Variants in TATDN2 observed in about 807,000 individuals in gnomAD.
The protein encoded by TATDN2 is TatD DNase domain containing 2.
TATDN2 carries 44 observed loss-of-function variants against 60.3 expected under a neutral mutation model. That is an observed-to-expected ratio of 0.73 (90% CI 0.57 to 0.94). The LOEUF is 0.94. TATDN2 is among the 40% of genes least tolerant of loss of function. The pLI, the probability that TATDN2 is intolerant of heterozygous loss-of-function variation, is 0.00. For missense variants in TATDN2, 997 were observed against 948.0 expected (o/e 1.05, Z -0.68); for synonymous variants, 399 against 355.8 (o/e 1.12, Z -1.37).
intron 5 of TATDN2, among the ~76,000 whole-genome samples, 194 bp downstream of exon 5, chr3:10,276,682 G>A (rs1370216828): frequency 6.6e-6 from 1 of 151,522 alleles, no homozygotes; most frequent in African/African-American, 2.4e-5. Context: ...TCTGCCTCCC[G>A]GGTTCAAACA....
chr3:10,265,070 A>ATTTTTTTTTT (rs35741857), intron 3 of TATDN2, among the ~76,000 whole-genome samples: 1 of 87,460 alleles, frequency 1.1e-5, no homozygotes, highest in Non-Finnish European at 2.2e-5. Context: ...ATTGCTGCCA[A>ATTTTTTTTTT]TTTTTTTTTC....
At chr3:10,255,132 C>T (rs770570085) in intron 2 of TATDN2, among the ~76,000 whole-genome samples, 1 of 151,420 alleles carries the variant, frequency 6.6e-6, no homozygotes, top group Non-Finnish European at 1.5e-5. Flanking sequence ...GCCTCAGCCT[C>T]CCAAGTAGCT....
intron 4 of TATDN2, among the ~76,000 whole-genome samples, chr3:10,272,538 A>C (rs1421659376): frequency 1.3e-5 from 2 of 151,844 alleles, no homozygotes; most frequent in Admixed American, 6.6e-5. Context: ...TCCCAGGTTC[A>C]AGCGATTCTC....
At chr3:10,256,378 G>A (rs1698308630) in intron 2 of TATDN2, among the ~76,000 whole-genome samples, 1 of 151,742 alleles carries the variant, frequency 6.6e-6, no homozygotes, top group South Asian at 2.1e-4. Context: ...GTCTTGCTAT[G>A]TTGCCCAGAC....
intron 2 of TATDN2, among the ~76,000 whole-genome samples, chr3:10,255,610 TA>T (rs55870200): frequency 0.29 from 43,806 of 151,962 alleles, 8,239 homozygotes; most frequent in East Asian, 0.97. Context: ...GCTAGGTCCT[TA>T]ACAGTATTTA....
chr3:10,253,147 G>A (rs561716388), intron 2 of TATDN2, among the ~76,000 whole-genome samples: 13 of 151,360 alleles, frequency 8.6e-5, no homozygotes, highest in Admixed American at 6.6e-4. Context: ...GTGAACCACC[G>A]CGCCTGGCCT....
intron 2 of TATDN2, among the ~76,000 whole-genome samples, chr3:10,257,026 G>A (rs1361609089): frequency 6.6e-6 from 1 of 151,856 alleles, no homozygotes; most frequent in Non-Finnish European, 1.5e-5. Context: ...CAGGCACGGT[G>A]GCTCATGCCT....
At chr3:10,272,492 G>GCAAT (rs1453076617) in intron 4 of TATDN2, among the ~76,000 whole-genome samples, 2 of 150,190 alleles carry the variant, frequency 1.3e-5, no homozygotes, top group African/African-American at 4.9e-5. Flanking sequence ...AGGCTGGAGT[G>GCAAT]CAATCGCATG....
chr3:10,264,137 A>T (rs1166906332), intron 3 of TATDN2, among the ~76,000 whole-genome samples: 2 of 152,174 alleles, frequency 1.3e-5, no homozygotes, highest in African/African-American at 4.8e-5. Flanking sequence ...TTCTCTGAGT[A>T]TGAGGAGGGA....
chr3:10,249,244 C>T lies in TATDN2; in HGVS notation c.44C>T (p.Thr15Met), dbSNP rs1425026217. 6.4e-7 allele frequency: 1 copy of T among 1,558,690 alleles called. No homozygotes were observed. Among genetic ancestry groups the T allele is most frequent in the Non-Finnish European group, 8.7e-7 (1 of 1,150,672 alleles). The change falls in exon 2 of 8, where the codon ACG (threonine) becomes ATG (methionine). Residue 15 changes from threonine (T) to methionine (M), a missense_variant. By Grantham distance (81) the Thr-to-Met change is moderately conservative. Transcript: ENST00000448281. ...RGKVKHNWSS[T>M]SEGCPRKRSC... The stretch of plus-strand genomic sequence containing the variant: ...AAGGTCAAGCACAACTGGAGCAGCA[C>T]GTCGGAAGGGTGTCCCCGCAAGCGC...
chr3:10,249,379 A>G lies in TATDN2; in HGVS notation c.179A>G (p.Glu60Gly). The G allele has an allele frequency of 6.2e-7, 1 of 1,613,318 alleles. No homozygotes were observed. Among genetic ancestry groups the G allele is most frequent in the South Asian group, 1.1e-5 (1 of 90,984 alleles). The change falls in exon 2 of 8, where the codon GAG becomes GGG. Residue 60 changes from glutamate to glycine, a missense_variant. Physicochemically the swap from Glu to Gly is moderately conservative, Grantham distance 98. Transcript: ENST00000448281. ...CCCAAGCGCCTGAAAGCCCAGAAGG[A>G]GGACGATGTGGCTTGCTCGCGGAGG... is the stretch of plus-strand genomic sequence containing the variant. Reference protein sequence around the residue: ...SSPKRLKAQKEDDVACSRRLS... With the variant: ...SSPKRLKAQKGDDVACSRRLS...
chr3:10,265,070 A>ATT lies in TATDN2; in HGVS notation c.948+4408_948+4409dup, dbSNP rs35741857. Among the ~76,000 whole-genome samples, 9 of 87,494 alleles carry ATT rather than the reference A, an allele frequency of 1.0e-4. No homozygotes were observed. The South Asian group carries it at 1.2e-3, about 11-fold the overall frequency. The allele number at this position is 87,494 out of a possible 152,430, so 57.4% of individuals were successfully genotyped here. On this transcript the variant is annotated intron_variant, in intron 3 of 7. Coordinates refer to ENST00000448281, the MANE Select transcript of TATDN2 (RefSeq NM_014760.4). ...TTTTTTTTTTTTTTTATTGCTGCCA[A>ATT]TTTTTTTTTCTTTTTTGTCTTTTTG... is the stretch of plus-strand genomic sequence containing the variant.
At chr3:10,265,019 C>CT (rs550799457) in intron 3 of TATDN2, among the ~76,000 whole-genome samples, 55,225 of 76,402 alleles carry the variant, frequency 0.72, 19,922 homozygotes, top group African/African-American at 0.75. Flanking sequence ...TTTTTTTGGT[C>CT]TTTTTTTTTT....
rs1353417905 is a variant in TATDN2, at chr3:10,278,148, G to A, written c.1962-131G>A. On this transcript the variant is annotated intron_variant, in intron 5 of 7. Transcript: ENST00000448281. The surrounding 1 kb of genome is among the most constrained non-coding windows in gnomAD (Gnocchi z 4.7). ...GAGCCAGCCCTTGTCTGTGTTTACT[G>A]TGGAGTCCTTCCCTAGGATGCAGTC... 4.7e-6 allele frequency: 5 copies of A among 1,074,122 alleles called. No individual in the cohort carries two copies. The South Asian group carries it at 7.6e-5, about 16-fold the overall frequency. 66.5% of individuals were successfully genotyped at this position (1,074,122 alleles called of 1,614,324 possible).
chr3:10,271,121 C>T lies in TATDN2; in HGVS notation c.1833+106C>T, dbSNP rs1698557060. On this transcript the variant is annotated intron_variant, in intron 4 of 7. Coordinates refer to ENST00000448281, the MANE Select transcript of TATDN2 (RefSeq NM_014760.4). ...TTTTAGAAGTAAATAATTGAGAATC[C>T]CTGAAAACGCAGTGTGCTTGCTCTC... 8 of 1,407,396 alleles carry T rather than the reference C, an allele frequency of 5.7e-6. No individual in the cohort carries two copies. In the South Asian group the frequency reaches 1.1e-4, roughly 19 times the overall value. The allele number at this position is 1,407,396 out of a possible 1,614,324, so 87.2% of individuals were successfully genotyped here.
Position 10,257,295 on chromosome 3 carries a change from TA to T in TATDN2, c.415-2841del, listed in dbSNP as rs539910992. ...GTGAGATTTTGCCTCAAAAAAAAAT[TA>T]TATATATATATATATATGAATTCCT... On this transcript the variant is annotated intron_variant, in intron 2 of 7. Transcript: ENST00000448281. Among the ~76,000 whole-genome samples, 155 of 106,652 alleles carry T rather than the reference TA, an allele frequency of 1.5e-3. 3 individuals carry two copies. The highest frequency in any genetic ancestry group is 5.9e-3 in the African/African-American group (142 of 24,174). 70.0% of individuals were successfully genotyped at this position (106,652 alleles called of 152,430 possible). A position where few individuals can be genotyped will look rare whatever the true frequency, so the allele number is the denominator to read the frequency against.
chr3:10,250,419 A>G (rs1363440994), intron 2 of TATDN2, among the ~76,000 whole-genome samples: 1 of 151,976 alleles, frequency 6.6e-6, no homozygotes, highest in African/African-American at 2.4e-5. Flanking sequence ...TTTGCATCCT[A>G]GATTTTGAAG....
intron 2 of TATDN2, among the ~76,000 whole-genome samples, chr3:10,256,407 C>G (rs1698309313): frequency 6.6e-6 from 1 of 151,918 alleles, no homozygotes; most frequent in African/African-American, 2.4e-5. Context: ...AACTCCTAGG[C>G]TCAAATGATC....
intron 4 of TATDN2, among the ~76,000 whole-genome samples, chr3:10,275,096 C>T (rs972745471): frequency 4.6e-5 from 7 of 151,490 alleles, no homozygotes; most frequent in Admixed American, 2.6e-4. Flanking sequence ...GGGGATTCTC[C>T]TGCCTCAGCC....
Sources: gnomAD v4.1 joint callset for allele counts (sites outside exome capture counted in the v4.1 genomes callset) on GRCh38, gnomAD v4.1.1 for gene constraint, Gnocchi (gnomAD v3.1) non-coding constraint, MANE v1.5 for transcripts, NCBI Gene and HGNC (gene_info 2026-07-23, HGNC 2026-07-21) for gene names.